The following PRRG3 variants were observed in gnomAD, a reference collection of about 807,000 sequenced individuals.
PRRG3 encodes the protein proline rich and Gla domain 3.
In PRRG3, 21 loss-of-function variants were observed where a neutral mutation model predicts 15.8. That is an observed-to-expected ratio of 1.33 (90% CI 0.94 to 1.92). The LOEUF is 1.92. PRRG3 is among the 40% of genes most tolerant of loss of function. PRRG3 has a pLI of 0.00. For synonymous variants in PRRG3, 125 were observed against 84.1 expected, an observed-to-expected ratio of 1.49 and a Z score of -2.66; for missense variants, 251 against 200.2, an observed-to-expected ratio of 1.25 and a Z score of -1.53.
Position 151,700,577 on chromosome X carries a change from G to A in PRRG3, c.240G>A (p.Met80Ile), listed in dbSNP as rs1214235621. 1 of 1,210,134 alleles carries A rather than the reference G, an allele frequency of 8.3e-7. No individual in the cohort carries two copies. Among genetic ancestry groups the A allele is most frequent in the Non-Finnish European group, 1.1e-6 (1 of 894,019 alleles). ...VRDPSQSSDA[M>I]YVVVPLLGVA... ...ACCCCTCGCAGAGCTCAGATGCCAT[G>A]TATGTGGTGGTACCCCTTCTGGGGG... The change falls in exon 4 of 4, where the codon ATG becomes ATA. Residue 80 changes from methionine to isoleucine, a missense_variant. Coordinates refer to ENST00000674457, the MANE Select transcript of PRRG3 (RefSeq NM_001372163.1).
At chrX:151,699,314 G>A (rs771394881) in intron 2 of PRRG3, among the ~76,000 whole-genome samples, 73 of 112,667 alleles carry the variant, frequency 6.5e-4, no homozygotes, top group Admixed American at 1.9e-3. Context: ...TCCAAAGACG[G>A]TATTGTAGGG....
intron 1 of PRRG3, among the ~76,000 whole-genome samples, chrX:151,697,312 G>A (rs934376281): frequency 1.2e-4 from 13 of 109,619 alleles, no homozygotes; most frequent in Middle Eastern, 4.7e-3. Flanking sequence ...GGCATGCACC[G>A]CAGCATGCCT....
rs1412670317 is a variant in PRRG3, at chrX:151,705,614, A to G, written c.*4581A>G. The G allele has an allele frequency of 9.8e-6, 2 of 203,966 alleles. No homozygotes were observed. The highest frequency in any genetic ancestry group is 2.6e-4 in the East Asian group (2 of 7,769). The allele number at this position is 203,966 out of a possible 1,213,427, so 16.8% of individuals were successfully genotyped here. A position where few individuals can be genotyped will look rare whatever the true frequency, so the allele number is the denominator to read the frequency against. ...AACACATCTGTTATTTTGCTCTGAC[A>G]TTGTGAATTTGTGACAGTGGAAACC... is the stretch of plus-strand genomic sequence containing the variant. On this transcript the variant is annotated 3_prime_UTR_variant, in exon 4 of 4. Coordinates refer to ENST00000674457, the MANE Select transcript of PRRG3 (RefSeq NM_001372163.1).
intron 1 of PRRG3, among the ~76,000 whole-genome samples, chrX:151,698,133 G>A (rs998248642): frequency 1.8e-5 from 2 of 111,686 alleles, no homozygotes; most frequent in Non-Finnish European, 1.9e-5. Context: ...GAAGAATGCA[G>A]CATTGTTGTG....
chrX:151,705,198 A>G lies in PRRG3; in HGVS notation c.*4165A>G. 3.1e-6 allele frequency: 1 copy of G among 322,034 alleles called. No homozygotes were observed. The highest frequency in any genetic ancestry group is 3.3e-5 in the Admixed American group (1 of 30,484). The allele number at this position is 322,034 out of a possible 1,213,427, so 26.5% of individuals were successfully genotyped here. ...TACTCCGTTATTTATCCTGTGAATAACATAGTTTGTGAACTAGACTGCAAT... is the reference window on the plus strand; with the variant it reads ...TACTCCGTTATTTATCCTGTGAATAGCATAGTTTGTGAACTAGACTGCAAT... On this transcript the variant is annotated 3_prime_UTR_variant, in exon 4 of 4. Coordinates refer to ENST00000674457, the MANE Select transcript of PRRG3 (RefSeq NM_001372163.1).
chrX:151,695,065 C>T (rs999429295), upstream of PRRG3: 3 of 109,775 alleles, frequency 2.7e-5, no homozygotes, highest in African/African-American at 6.5e-5. Flanking sequence ...CGGCCCACTC[C>T]GTCGCCCCCA....
chrX:151,705,886 A>C lies in PRRG3; in HGVS notation c.*4853A>C. Reference sequence around the variant, plus strand: ...TACATTTTGTCTCCTTCTTTACAAGAAAACAATAATAATAAAGAGCAAATG... The same window carrying C: ...TACATTTTGTCTCCTTCTTTACAAGCAAACAATAATAATAAAGAGCAAATG... On this transcript the variant is annotated 3_prime_UTR_variant, in exon 4 of 4. Coordinates refer to ENST00000674457, the MANE Select transcript of PRRG3 (RefSeq NM_001372163.1). 8.8e-6 allele frequency: 1 copy of C among 113,335 alleles called. No homozygotes were observed. The highest frequency in any genetic ancestry group is 1.9e-5 in the Non-Finnish European group (1 of 53,734). The allele number at this position is 113,335 out of a possible 1,213,427, so 9.3% of individuals were successfully genotyped here. A position where few individuals can be genotyped will look rare whatever the true frequency, so the allele number is the denominator to read the frequency against.
chrX:151,705,664 GA>G lies in PRRG3; in HGVS notation c.*4634del, dbSNP rs1260141999. 1.7e-5 allele frequency: 3 copies of G among 176,224 alleles called. No homozygotes were observed. Among genetic ancestry groups the G allele is most frequent in the Non-Finnish European group, 3.2e-5 (3 of 92,853 alleles). The allele number at this position is 176,224 out of a possible 1,213,427, so 14.5% of individuals were successfully genotyped here. Reference sequence around the variant, plus strand: ...CCTGATATGTGCAACTGAGCTTATAGAAATAATTACTGTGAAATGGATTAAT... The same window carrying G: ...CCTGATATGTGCAACTGAGCTTATAGAATAATTACTGTGAAATGGATTAAT... On this transcript the variant is annotated 3_prime_UTR_variant, in exon 4 of 4. Transcript: ENST00000674457.
Position 151,698,811 on chromosome X carries a change from C to A in PRRG3, c.-4C>A. 2 of 1,204,684 alleles carry A rather than the reference C, an allele frequency of 1.7e-6. No individual in the cohort carries two copies. ...AAGTGAGACCCTGCAGCTGAGGGAG[C>A]ATCATGGCAGGTGAGTTTTTCCAGG... is the stretch of plus-strand genomic sequence containing the variant. On this transcript the variant is annotated 5_prime_UTR_variant, in exon 2 of 4. Coordinates refer to ENST00000674457, the MANE Select transcript of PRRG3 (RefSeq NM_001372163.1).
chrX:151,705,140 C>A lies in PRRG3; in HGVS notation c.*4107C>A. The A allele has an allele frequency of 3.5e-6, 1 of 283,027 alleles. No homozygotes were observed. 23.3% of individuals were successfully genotyped at this position (283,027 alleles called of 1,213,427 possible). The stretch of plus-strand genomic sequence containing the variant: ...GGGTGATCTCTTGTTCTCTCTCCAT[C>A]ACAGGGATGTTGGATATTGCAGCCT... On this transcript the variant is annotated 3_prime_UTR_variant, in exon 4 of 4. Coordinates refer to ENST00000674457, the MANE Select transcript of PRRG3 (RefSeq NM_001372163.1).
chrX:151,700,216 A>C, intron 3 of PRRG3, 60 bp downstream of exon 3: 2 of 1,209,209 alleles, frequency 1.7e-6, no homozygotes, highest in Non-Finnish European at 1.1e-6. Flanking sequence ...TAGCAAGAAC[A>C]GGCCCTGGTA....
chrX:151,695,319 T>G, upstream of PRRG3: 1 of 102,994 alleles, frequency 9.7e-6, no homozygotes, highest in African/African-American at 3.6e-5. Context: ...GGGCGGGGGT[T>G]CCAGGCGCAC....
Position 151,705,224 on chromosome X carries a change from T to A in PRRG3, c.*4191T>A. 3.0e-6 allele frequency: 1 copy of A among 332,905 alleles called. No homozygotes were observed. The highest frequency in any genetic ancestry group is 4.6e-4 in the Middle Eastern group (1 of 2,195). The allele number at this position is 332,905 out of a possible 1,213,427, so 27.4% of individuals were successfully genotyped here. A position where few individuals can be genotyped will look rare whatever the true frequency, so the allele number is the denominator to read the frequency against. On this transcript the variant is annotated 3_prime_UTR_variant, in exon 4 of 4. Coordinates refer to ENST00000674457, the MANE Select transcript of PRRG3 (RefSeq NM_001372163.1). ...CATAGTTTGTGAACTAGACTGCAAT[T>A]TAAACTAATACACATGATGTATCTT...
At chrX:151,694,693 GC>G (rs199512223), upstream of PRRG3, among the ~76,000 whole-genome samples, 33,458 of 110,698 alleles carry the variant, frequency 0.3, 4,272 homozygotes, top group East Asian at 0.84. Context: ...TTGCAGGCTA[GC>G]CCCCCTCTCT....
rs910061006 is a variant in PRRG3, at chrX:151,704,146, G to A, written c.*3113G>A. The A allele has an allele frequency of 2.7e-5, 3 of 109,505 alleles. No individual in the cohort carries two copies. The highest frequency in any genetic ancestry group is 3.8e-5 in the Non-Finnish European group (2 of 52,659). The allele number at this position is 109,505 out of a possible 1,213,427, so 9.0% of individuals were successfully genotyped here. On this transcript the variant is annotated 3_prime_UTR_variant, in exon 4 of 4. Coordinates refer to ENST00000674457, the MANE Select transcript of PRRG3 (RefSeq NM_001372163.1). ...CCCTCCCCCGCTTCCCATCGCCTCC[G>A]GTTTTCAAAATGAAAGCACAAGTGC...
Position 151,700,844 on chromosome X carries a change from C to T in PRRG3, c.507C>T (p.Val169=). The change falls in exon 4 of 4, where the codon GTC becomes GTT. Residue 169 remains valine, a synonymous_variant. Transcript: ENST00000674457. ...CCAGTCGGGGGGGCAGGACCACAGTCCGGCTAGAGAGCACCCTCTACCTCC... is the reference window on the plus strand; with the variant it reads ...CCAGTCGGGGGGGCAGGACCACAGTTCGGCTAGAGAGCACCCTCTACCTCC... ...LGPSRGGRTT[V]RLESTLYLPE... is the part of the protein sequence containing the mutation. 8.3e-7 allele frequency: 1 copy of T among 1,199,342 alleles called. No individual in the cohort carries two copies. Among genetic ancestry groups the T allele is most frequent in the Non-Finnish European group, 1.1e-6 (1 of 887,778 alleles).
Sources: allele counts gnomAD v4.1 joint callset (sites outside exome capture counted in the v4.1 genomes callset), GRCh38; gene constraint gnomAD v4.1.1; transcripts MANE v1.5; gene names NCBI Gene and HGNC (gene_info 2026-07-23, HGNC 2026-07-21).